The following SRRM3 variants were observed in gnomAD, a reference collection of about 807,000 sequenced individuals.
SRRM3 encodes the protein serine/arginine repetitive matrix protein 3.
A neutral mutation model predicts 66.2 loss-of-function variants in SRRM3; 27 were observed. That is an observed-to-expected ratio of 0.41 (90% CI 0.30 to 0.56). The LOEUF is 0.56. Ranked by LOEUF, SRRM3 falls within the 20% of genes least tolerant of loss-of-function variation. The pLI, the probability that SRRM3 is intolerant of heterozygous loss-of-function variation, is 0.32. For missense variants in SRRM3, 918 were observed against 991.9 expected (o/e 0.93, Z 1.00); for synonymous variants, 391 against 414.9 (o/e 0.94, Z 0.70).
chr7:76,233,406 A>G (rs1296990520), intron 1 of SRRM3, among the ~76,000 whole-genome samples: 1 of 152,188 alleles, frequency 6.6e-6, no homozygotes, highest in Non-Finnish European at 1.5e-5. Context: ...AGCTCCACAC[A>G]TGTCCCTGGC....
At chr7:76,244,295 T>A (rs1801382958) in intron 2 of SRRM3, among the ~76,000 whole-genome samples, 1 of 151,974 alleles carries the variant, frequency 6.6e-6, no homozygotes, top group Admixed American at 6.6e-5. Context: ...GAGGCCGAGG[T>A]GGGTGGATCA....
Position 76,265,566 on chromosome 7 carries a change from G to A in SRRM3, c.830+98G>A, listed in dbSNP as rs1801988020. ...GGGGAGCAGGGCTGGTGGACAGAAT[G>A]TCAATTCATCGGTGGGTAGAAGTTT... On this transcript the variant is annotated intron_variant, in intron 10 of 14. Transcript: ENST00000611745. 7.5e-6 allele frequency: 7 copies of A among 936,694 alleles called. No individual in the cohort carries two copies. In the South Asian group the frequency reaches 1.3e-4, roughly 17 times the overall value. 58.0% of individuals were successfully genotyped at this position (936,694 alleles called of 1,614,324 possible). A position where few individuals can be genotyped will look rare whatever the true frequency, so the allele number is the denominator to read the frequency against.
At chr7:76,266,782 C>T (rs1355291812) in intron 10 of SRRM3, among the ~76,000 whole-genome samples, 1 of 149,540 alleles carries the variant, frequency 6.7e-6, no homozygotes, top group Admixed American at 6.8e-5. Context: ...AAGCAATTCT[C>T]CAGCCTCAGC....
intron 5 of SRRM3, 83 bp from the exon 6 acceptor site, chr7:76,260,791 C>A: frequency 7.4e-7 from 1 of 1,360,536 alleles, no homozygotes; most frequent in Non-Finnish European, 1.0e-6. Context: ...CTCCCCTGTC[C>A]TGCGTGAGAC....
intron 1 of SRRM3, among the ~76,000 whole-genome samples, chr7:76,222,561 C>T (rs1049108882): frequency 1.3e-5 from 2 of 151,736 alleles, no homozygotes; most frequent in Admixed American, 6.6e-5. Context: ...GGACCTGGCC[C>T]TCCCTCCCCT....
chr7:76,278,759 G>A (rs1554611475), intron 11 of SRRM3, among the ~76,000 whole-genome samples: 1 of 152,214 alleles, frequency 6.6e-6, no homozygotes, highest in African/African-American at 2.4e-5. Context: ...GGAGCCATCT[G>A]TGCCTTTCCA....
chr7:76,267,716 C>G (rs1223998760), intron 11 of SRRM3: 5 of 349,934 alleles, frequency 1.4e-5, no homozygotes, highest in Admixed American at 4.8e-5. Context: ...GGGGGTTGAC[C>G]GCGGGGCACT....
intron 3 of SRRM3, 100 bp downstream of exon 3, chr7:76,248,389 G>T: frequency 2.5e-6 from 2 of 786,368 alleles, no homozygotes; most frequent in Non-Finnish European, 4.3e-6. Context: ...TCTGGTTGGG[G>T]CTCAGGTGAG....
At position 76,265,323 on chromosome 7, in the gene SRRM3, G is replaced by A. The variant is rs782111871; in HGVS notation, c.726-41G>A. 6 of 1,495,246 alleles carry A rather than the reference G, an allele frequency of 4.0e-6. No individual in the cohort carries two copies. In the Admixed American group the frequency reaches 7.4e-5, roughly 18 times the overall value. The allele number at this position is 1,495,246 out of a possible 1,614,324, so 92.6% of individuals were successfully genotyped here. On this transcript the variant is annotated intron_variant, in intron 9 of 14. Coordinates refer to ENST00000611745, the MANE Select transcript of SRRM3 (RefSeq NM_001110199.3). ...TTGGGGGCTGGGGGGATCACGGGGG[G>A]CAGAATTGAGGTACAGGCTGATTTC...
rs1554611895 is a variant in SRRM3, at chr7:76,281,506, G to A, written c.1074G>A (p.Ala358=). The A allele has an allele frequency of 3.3e-6, 4 of 1,214,422 alleles. No homozygotes were observed. The East Asian group carries it at 9.8e-5, about 30-fold the overall frequency. 75.2% of individuals were successfully genotyped at this position (1,214,422 alleles called of 1,614,324 possible). A position where few individuals can be genotyped will look rare whatever the true frequency, so the allele number is the denominator to read the frequency against. ...KAAAAAPTPP[A]RGKESPSPRS... is the part of the protein sequence containing the mutation. ...CGGCCGCCGCACCCACGCCGCCCGC[G>A]CGGGGGAAGGAGAGCCCGAGCCCGC... The change falls in exon 12 of 15, where the codon GCG becomes GCA. Residue 358 remains alanine (A), a synonymous_variant. Transcript: ENST00000611745.
Position 76,281,423 on chromosome 7 carries a change from T to C in SRRM3, c.1009-18T>C. ...CCCTCTCCCCCCTCCGTGCCCTGTC[T>C]GCCTCTCTCCCCGTCAGAAGCCCAG... On this transcript the variant is annotated intron_variant, in intron 11 of 14. Coordinates refer to ENST00000611745, the MANE Select transcript of SRRM3 (RefSeq NM_001110199.3). 1 of 1,225,370 alleles carries C rather than the reference T, an allele frequency of 8.2e-7. No individual in the cohort carries two copies. The highest frequency in any genetic ancestry group is 1.0e-6 in the Non-Finnish European group (1 of 976,686). The allele number at this position is 1,225,370 out of a possible 1,614,324, so 75.9% of individuals were successfully genotyped here.
intron 11 of SRRM3, among the ~76,000 whole-genome samples, chr7:76,270,635 A>AC (rs1802184878): frequency 6.6e-6 from 1 of 151,858 alleles, no homozygotes; most frequent in South Asian, 2.1e-4. Context: ...AACATGGCGA[A>AC]CCCCCGTCTC....
intron 11 of SRRM3, among the ~76,000 whole-genome samples, chr7:76,277,218 G>A (rs1008506005): frequency 6.6e-6 from 1 of 152,170 alleles, no homozygotes; most frequent in African/African-American, 2.4e-5. Context: ...GATGGTAGGG[G>A]ACAGGACCAT....
chr7:76,281,585 AGGCGGC>A lies in SRRM3; in HGVS notation c.1167_1172del (p.Arg394_Arg395del), dbSNP rs1165004777. 24 of 981,988 alleles carry A rather than the reference AGGCGGC, an allele frequency of 2.4e-5. No individual in the cohort carries two copies. The highest frequency in any genetic ancestry group is 2.8e-5 in the Non-Finnish European group (23 of 829,106). The allele number at this position is 981,988 out of a possible 1,614,324, so 60.8% of individuals were successfully genotyped here. On this transcript the variant is annotated inframe_deletion, in exon 12 of 15. Transcript: ENST00000611745. Reference sequence around the variant, plus strand: ...AGGCCGCGCGGCGGGCGGGGCGGGCAGGCGGCGGCGGCGGCGGCGTAGGCGGCGGCG... The same window carrying A: ...AGGCCGCGCGGCGGGCGGGGCGGGCAGGCGGCGGCGGCGTAGGCGGCGGCG...
chr7:76,240,562 G>A (rs937207982), intron 2 of SRRM3, among the ~76,000 whole-genome samples: 9 of 150,012 alleles, frequency 6.0e-5, no homozygotes, highest in Admixed American at 6.0e-4. Context: ...GGAGCTTGCA[G>A]TGAGCCGAGA....
intron 11 of SRRM3, among the ~76,000 whole-genome samples, chr7:76,275,098 T>A (rs1425485686): frequency 1.5e-5 from 2 of 130,104 alleles, no homozygotes; most frequent in Non-Finnish European, 1.6e-5. Flanking sequence ...AGAACAAGAC[T>A]CAGTCTCAAA....
At position 76,267,356 on chromosome 7, in the gene SRRM3, C is replaced by G. The variant is rs781892209; in HGVS notation, c.929C>G (p.Ser310Trp). The G allele has an allele frequency of 2.7e-6, 4 of 1,501,266 alleles. No homozygotes were observed. In the Admixed American group the frequency reaches 1.0e-4, roughly 38 times the overall value. 93.0% of individuals were successfully genotyped at this position (1,501,266 alleles called of 1,614,324 possible). Residue 310 changes from serine (S) to tryptophan (W), a missense_variant, in exon 11 of 15, where the codon TCG (serine) becomes TGG (tryptophan). By Grantham distance (177) the Ser-to-Trp change is radical. Transcript: ENST00000611745. ...PSPSGGSGWG[S>W]PQRNGGSGQR... is the part of the protein sequence containing the mutation. ...CCGTCGGGCGGCAGCGGATGGGGGTCGCCCCAGCGGAACGGCGGCAGCGGG... is the reference window on the plus strand; with the variant it reads ...CCGTCGGGCGGCAGCGGATGGGGGTGGCCCCAGCGGAACGGCGGCAGCGGG...
At chr7:76,262,190 G>A (rs373740088) in intron 8 of SRRM3, among the ~76,000 whole-genome samples, 1 of 152,058 alleles carries the variant, frequency 6.6e-6, no homozygotes, top group Admixed American at 6.6e-5. Flanking sequence ...TGGTGCAGGA[G>A]AAGAGGGTTG....
intron 10 of SRRM3, among the ~76,000 whole-genome samples, chr7:76,265,858 ATTTTTTTTTTT>A (rs1156687535): frequency 3.0e-3 from 25 of 8,356 alleles, no homozygotes; most frequent in South Asian, 8.1e-3. Context: ...ATATATATAT[ATTTTTTTTTTT>A]TTTTTTTTTT....
Sources: allele counts gnomAD v4.1 joint callset (sites outside exome capture counted in the v4.1 genomes callset), GRCh38; gene constraint gnomAD v4.1.1; transcripts MANE v1.5; gene names NCBI Gene and HGNC (gene_info 2026-07-23, HGNC 2026-07-21).